ZNF804B: variants seen among roughly 807,000 people sequenced by gnomAD.
The protein encoded by ZNF804B is zinc finger 804B.
ZNF804B carries 80 observed loss-of-function variants against 101.4 expected under a neutral mutation model. The ratio of observed to expected loss-of-function variants is 0.79; its 90% CI spans 0.66 to 0.95. The LOEUF (loss-of-function observed/expected upper bound fraction) is 0.95. Among genes scored for constraint, ZNF804B ranks in the 40% least tolerant of loss-of-function variants. ZNF804B has a pLI of 0.00. For synonymous variants in ZNF804B, 622 were observed against 558.8 expected (o/e 1.11, Z -1.59); for missense variants, 1,673 against 1,561.9 (o/e 1.07, Z -1.20).
intron 1 of ZNF804B, among the ~76,000 whole-genome samples, chr7:89,012,300 T>C (rs1788477821): frequency 6.6e-6 from 1 of 152,092 alleles, no homozygotes; most frequent in South Asian, 2.1e-4. Context: ...TGAAGACTTC[T>C]GCCGTGCCAC....
Position 89,334,291 on chromosome 7 carries a change from G to C in ZNF804B, c.1309G>C (p.Ala437Pro), listed in dbSNP as rs578134789. ...LVKEACTHNV[A>P]SKPLPFLHVQ... ...AAAAGAAGCATGTACCCATAATGTGGCATCTAAACCACTACCTTTTCTCCA... is the reference window on the plus strand; with the variant it reads ...AAAAGAAGCATGTACCCATAATGTGCCATCTAAACCACTACCTTTTCTCCA... The change falls in exon 4 of 4, where the codon GCA becomes CCA. Residue 437 changes from alanine (A) to proline (P), a missense_variant. Physicochemically the swap from Ala to Pro is conservative, Grantham distance 27. Transcript: ENST00000333190. The C allele has an allele frequency of 2.0e-5, 32 of 1,613,678 alleles. No homozygotes were observed. Among genetic ancestry groups the C allele is most frequent in the South Asian group, 1.2e-4 (11 of 91,076 alleles).
At chr7:89,219,997 GTATA>G (rs1360671172) in intron 2 of ZNF804B, among the ~76,000 whole-genome samples, 2 of 55,814 alleles carry the variant, frequency 3.6e-5, no homozygotes, top group Non-Finnish European at 3.5e-5. Context: ...GTGCATATAT[GTATA>G]TGCACATATA....
In ZNF804B at chr7:89,322,677, A is replaced by G. The variant is rs1349321987; in HGVS notation, c.250-4667A>G. Among the ~76,000 whole-genome samples, 3 of 152,302 alleles carry G rather than the reference A, an allele frequency of 2.0e-5. No individual in the cohort carries two copies. In the East Asian group the frequency reaches 5.8e-4, roughly 29 times the overall value. On this transcript the variant is annotated intron_variant, in intron 2 of 3. Transcript: ENST00000333190. ...CAATTAAAAAGCTAATTTAAATAAA[A>G]TGTGAAACAATCTTGAAAGAAACAC...
In ZNF804B at chr7:89,335,922, T is replaced by C; in HGVS notation, c.2940T>C (p.Ser980=). The part of the protein sequence containing the change: ...SGCNRQALPL[S]EKIQYASESR... ...GTAACAGACAAGCATTGCCTTTGTC[T>C]GAAAAAATACAGTATGCAAGTGAGA... Residue 980 remains serine (S), a synonymous_variant, in exon 4 of 4, where the codon TCT becomes TCC. Transcript: ENST00000333190. 1 of 1,614,056 alleles carries C rather than the reference T, an allele frequency of 6.2e-7. No homozygotes were observed. The highest frequency in any genetic ancestry group is 8.5e-7 in the Non-Finnish European group (1 of 1,179,988).
intron 1 of ZNF804B, among the ~76,000 whole-genome samples, chr7:88,828,126 C>G (rs184526916): frequency 6.6e-6 from 1 of 152,234 alleles, no homozygotes; most frequent in African/African-American, 2.4e-5. Context: ...ACAAGGTCGT[C>G]AGTGACATTT....
intron 1 of ZNF804B, among the ~76,000 whole-genome samples, chr7:89,186,205 A>G (rs1788374004): frequency 6.6e-6 from 1 of 152,154 alleles, no homozygotes; most frequent in African/African-American, 2.4e-5. Context: ...GAAAGTATTT[A>G]TAAAACAAAT....
At chr7:89,005,785 G>C (rs1788362683) in intron 1 of ZNF804B, among the ~76,000 whole-genome samples, 1 of 152,000 alleles carries the variant, frequency 6.6e-6, no homozygotes, top group Non-Finnish European at 1.5e-5. Context: ...TCTCACCTCT[G>C]TCATTACATT....
chr7:88,911,533 T>G (rs1353775215), intron 1 of ZNF804B, among the ~76,000 whole-genome samples: 1 of 150,608 alleles, frequency 6.6e-6, no homozygotes, highest in African/African-American at 2.4e-5. Flanking sequence ...CTTAAACTTC[T>G]TTTCACCTAA....
chr7:89,050,651 C>A (rs1789187555), intron 1 of ZNF804B, among the ~76,000 whole-genome samples: 1 of 152,130 alleles, frequency 6.6e-6, no homozygotes, highest in Admixed American at 6.6e-5. Flanking sequence ...TAGATATCGT[C>A]ATCTACCAGG....
chr7:88,766,169 G>T (rs1789980716), intron 1 of ZNF804B, among the ~76,000 whole-genome samples: 1 of 152,040 alleles, frequency 6.6e-6, no homozygotes, highest in Admixed American at 6.6e-5. Flanking sequence ...AATCAGCTGG[G>T]CTCAGTGGCT....
At chr7:88,829,121 G>A (rs1791092848) in intron 1 of ZNF804B, among the ~76,000 whole-genome samples, 1 of 152,032 alleles carries the variant, frequency 6.6e-6, no homozygotes, top group Non-Finnish European at 1.5e-5. Flanking sequence ...ATCTCTCTCT[G>A]TCACCCAGGC....
chr7:89,280,436 C>CA lies in ZNF804B; in HGVS notation c.250-46902dup, dbSNP rs540996787. Among the ~76,000 whole-genome samples the CA allele has an allele frequency of 9.4e-3, 1,420 of 151,790 alleles. 27 individuals carry two copies. Among genetic ancestry groups the CA allele is most frequent in the African/African-American group, 0.032 (1,325 of 41,368 alleles). On this transcript the variant is annotated intron_variant, in intron 2 of 3. Transcript: ENST00000333190. ...AGCAGAACTGAAGGAAATAGAGACA[C>CA]AAAAAACCCTTCAAAAAATTAATGA...
chr7:88,854,069 A>G (rs528164687), intron 1 of ZNF804B, among the ~76,000 whole-genome samples: 1 of 152,274 alleles, frequency 6.6e-6, no homozygotes, highest in South Asian at 2.1e-4. Context: ...AAATGTGAAA[A>G]TTAACATTTT....
intron 1 of ZNF804B, among the ~76,000 whole-genome samples, chr7:89,200,433 T>C (rs1454175140): frequency 6.6e-6 from 1 of 151,996 alleles, no homozygotes; most frequent in African/African-American, 2.4e-5. Context: ...ATAAATCTCC[T>C]CTTAAATTTA....
chr7:89,051,251 A>C lies in ZNF804B; in HGVS notation c.109-166904A>C, dbSNP rs369049768. Among the ~76,000 whole-genome samples the C allele has an allele frequency of 2.0e-5, 3 of 152,224 alleles. No homozygotes were observed. In the East Asian group the frequency reaches 5.8e-4, roughly 29 times the overall value. ...AATTCCAGAAGAGTTACTACTATAA[A>C]TTTTTAAGTAGGTATTACCAAATTG... On this transcript the variant is annotated intron_variant, in intron 1 of 3. Coordinates refer to ENST00000333190, the MANE Select transcript of ZNF804B (RefSeq NM_181646.5).
chr7:88,796,987 T>C (rs1330581272), intron 1 of ZNF804B, among the ~76,000 whole-genome samples: 1 of 152,124 alleles, frequency 6.6e-6, no homozygotes, highest in Non-Finnish European at 1.5e-5. Context: ...AATTATTATC[T>C]CCAGTCACTT....
intron 1 of ZNF804B, among the ~76,000 whole-genome samples, chr7:88,781,436 A>G (rs1196400887): frequency 6.6e-6 from 1 of 152,158 alleles, no homozygotes; most frequent in Admixed American, 6.6e-5. Context: ...GACATTATAT[A>G]TCAGCAGCTT....
chr7:88,885,508 G>T (rs1792112434), intron 1 of ZNF804B, among the ~76,000 whole-genome samples: 1 of 151,222 alleles, frequency 6.6e-6, no homozygotes, highest in East Asian at 1.9e-4. Flanking sequence ...TTCTATTAGA[G>T]AATTTATGTT....
intron 1 of ZNF804B, among the ~76,000 whole-genome samples, chr7:89,021,887 A>G (rs1183702813): frequency 1.3e-5 from 2 of 152,018 alleles, no homozygotes; most frequent in South Asian, 2.1e-4. Context: ...GTCAGTAGGG[A>G]ATGGGGAATT....
Sources: gnomAD v4.1 joint callset for allele counts (sites outside exome capture counted in the v4.1 genomes callset) on GRCh38, gnomAD v4.1.1 for gene constraint, MANE v1.5 for transcripts, NCBI Gene and HGNC (gene_info 2026-07-23, HGNC 2026-07-21) for gene names.